Variants in NEK10 observed in about 807,000 individuals in gnomAD.
The protein encoded by NEK10 is serine/threonine-protein kinase Nek10.
In NEK10, 122 loss-of-function variants were observed where a neutral mutation model predicts 159.8. The ratio of observed to expected loss-of-function variants is 0.76; its 90% CI spans 0.66 to 0.89. NEK10 has a LOEUF of 0.89. Ranked by LOEUF, NEK10 falls within the 40% of genes least tolerant of loss-of-function variation. NEK10 has a pLI of 0.00. For synonymous variants in NEK10, 466 were observed against 457.1 expected, an observed-to-expected ratio of 1.02 and a Z score of -0.25; for missense variants, 1,342 against 1,323.1, an observed-to-expected ratio of 1.01 and a Z score of -0.22.
rs1197420744 is a variant in NEK10, at chr3:27,344,333, G to C, written c.301C>G (p.Pro101Ala). 4 of 1,595,032 alleles carry C rather than the reference G, an allele frequency of 2.5e-6. No individual in the cohort carries two copies. The South Asian group carries it at 4.5e-5, about 18-fold the overall frequency. The part of the protein sequence containing the change: ...YKNERNFSKH[P>A]QRKLFQEIFT... ...ATCTCCTGAAATAGTTTACGCTGAG[G>C]ATGTTTGCTGAAATTTCTCTCATTC... Residue 101 changes from proline to alanine, a missense_variant, in exon 5 of 36, where the codon CCT becomes GCT. Physicochemically the swap from Pro to Ala is conservative, Grantham distance 27 (BLOSUM62 -1). Coordinates refer to ENST00000691995, the MANE Select transcript of NEK10 (RefSeq NM_001394966.1).
At chr3:27,257,855 C>T (rs955844702) in intron 22 of NEK10, among the ~76,000 whole-genome samples, 5 of 144,838 alleles carry the variant, frequency 3.5e-5, no homozygotes, top group African/African-American at 7.9e-5. Context: ...GTGGCGCAAT[C>T]TCGGCTTACT....
At chr3:27,117,683 C>A (rs1940670765) in intron 33 of NEK10, among the ~76,000 whole-genome samples, 1 of 152,034 alleles carries the variant, frequency 6.6e-6, no homozygotes, top group Admixed American at 6.6e-5. Context: ...TTGCTTTTTT[C>A]TTGTAAATTT....
chr3:27,187,471 A>G (rs539077893), intron 26 of NEK10, among the ~76,000 whole-genome samples: 1 of 152,186 alleles, frequency 6.6e-6, no homozygotes, highest in African/African-American at 2.4e-5. Flanking sequence ...ACCCAAATTC[A>G]TATGAAATGA....
chr3:27,119,778 A>G lies in NEK10; in HGVS notation c.3172T>C (p.Ser1058Pro). ...CTATTACCTGTAGGGTCATTTGGGGACAGGCTGTTTCCACCGGATGAACGA... is the reference window on the plus strand; with the variant it reads ...CTATTACCTGTAGGGTCATTTGGGGGCAGGCTGTTTCCACCGGATGAACGA... Reference protein sequence around the residue: ...LHRSSGGNSLSPNDPTGLPTS... With the variant: ...LHRSSGGNSLPPNDPTGLPTS... Residue 1058 changes from serine to proline, a missense_variant, in exon 33 of 36, where the codon TCC becomes CCC. Coordinates refer to ENST00000691995, the MANE Select transcript of NEK10 (RefSeq NM_001394966.1). 1.2e-6 allele frequency: 2 copies of G among 1,613,858 alleles called. No homozygotes were observed. Among genetic ancestry groups the G allele is most frequent in the South Asian group, 2.2e-5 (2 of 91,076 alleles).
chr3:27,174,421 T>C lies in NEK10; in HGVS notation c.2776+18A>G, dbSNP rs1167326178. ...TTCCGGAATCCCACAAACAGCAAAT[T>C]GATAACAGAAAGCTTACTGAATGTA... On this transcript the variant is annotated intron_variant, in intron 28 of 35. Coordinates refer to ENST00000691995, the MANE Select transcript of NEK10 (RefSeq NM_001394966.1). 1 of 1,607,046 alleles carries C rather than the reference T, an allele frequency of 6.2e-7. No individual in the cohort carries two copies. The highest frequency in any genetic ancestry group is 2.2e-5 in the East Asian group (1 of 44,858).
intron 32 of NEK10, among the ~76,000 whole-genome samples, chr3:27,122,402 A>C (rs185846138): frequency 1.3e-5 from 2 of 152,192 alleles, no homozygotes; most frequent in Non-Finnish European, 2.9e-5. Flanking sequence ...ATGGACTAAT[A>C]TATAACCCAT....
intron 5 of NEK10, among the ~76,000 whole-genome samples, chr3:27,323,890 G>A (rs796422104): frequency 2.3e-4 from 35 of 152,304 alleles, no homozygotes; most frequent in African/African-American, 8.4e-4. Context: ...TGGTCACAAG[G>A]CCTTGCACCC....
At chr3:27,331,262 A>AAACAAAAAAAACAC in intron 5 of NEK10, among the ~76,000 whole-genome samples, 1 of 110,082 alleles carries the variant, frequency 9.1e-6, no homozygotes, top group Non-Finnish European at 2.0e-5. Flanking sequence ...AAAAAAAAAA[A>AAACAAAAAAAACAC]ACACACAAAC....
At chr3:27,364,042 T>C (rs2048872730) in intron 1 of NEK10, among the ~76,000 whole-genome samples, 1 of 152,186 alleles carries the variant, frequency 6.6e-6, no homozygotes, top group African/African-American at 2.4e-5. Flanking sequence ...CGTCAACAAC[T>C]AGATAAATAT....
At chr3:27,187,412 T>A (rs1020433033) in intron 26 of NEK10, among the ~76,000 whole-genome samples, 1 of 152,088 alleles carries the variant, frequency 6.6e-6, no homozygotes, top group Non-Finnish European at 1.5e-5. Context: ...CAAAACAAAA[T>A]GATATATAAT....
chr3:27,226,066 C>T (rs1425675880), intron 23 of NEK10, among the ~76,000 whole-genome samples: 1 of 151,976 alleles, frequency 6.6e-6, no homozygotes, highest in African/African-American at 2.4e-5. Context: ...GAGTCTCGCT[C>T]TGTTGCCCAG....
At chr3:27,178,459 T>C (rs1947747767) in intron 26 of NEK10, among the ~76,000 whole-genome samples, 1 of 152,210 alleles carries the variant, frequency 6.6e-6, no homozygotes, top group South Asian at 2.1e-4. Flanking sequence ...GAAATATTCA[T>C]ATTCTATTAG....
chr3:27,169,303 C>T (rs913686658), intron 29 of NEK10, among the ~76,000 whole-genome samples: 10 of 152,262 alleles, frequency 6.6e-5, no homozygotes, highest in African/African-American at 2.4e-4. Context: ...TTTGGAATAT[C>T]TTCTAACTCA....
At chr3:27,153,319 CAAAAA>C (rs34333130) in intron 30 of NEK10, among the ~76,000 whole-genome samples, 1 of 90,652 alleles carries the variant, frequency 1.1e-5, no homozygotes, top group Non-Finnish European at 2.2e-5. Flanking sequence ...GACTCCATCT[CAAAAA>C]AAAAAAAAAA....
At chr3:27,282,108 T>C (rs759523397) in intron 22 of NEK10, among the ~76,000 whole-genome samples, 4 of 152,154 alleles carry the variant, frequency 2.6e-5, no homozygotes, top group Non-Finnish European at 4.4e-5. Flanking sequence ...CTGCTGTAAC[T>C]GTACTGGCAG....
rs2047386060 is a variant in NEK10 at position 27,344,122 on chromosome 3, G to A, written c.362+150C>T. The A allele has an allele frequency of 1.0e-5, 5 of 479,218 alleles. No individual in the cohort carries two copies. In the East Asian group the frequency reaches 1.7e-4, roughly 16 times the overall value. The allele number at this position is 479,218 out of a possible 1,614,324, so 29.7% of individuals were successfully genotyped here. A position where few individuals can be genotyped will look rare whatever the true frequency, so the allele number is the denominator to read the frequency against. Reference sequence around the variant, plus strand: ...TCAGTACCTAATCAGTGATTTTAATGAGATCATCTGTAATGCCTACTCATT... The same window carrying A: ...TCAGTACCTAATCAGTGATTTTAATAAGATCATCTGTAATGCCTACTCATT... On this transcript the variant is annotated intron_variant, in intron 5 of 35. Transcript: ENST00000691995.
chr3:27,138,094 C>T (rs533340135), intron 31 of NEK10, among the ~76,000 whole-genome samples: 60 of 152,326 alleles, frequency 3.9e-4, no homozygotes, highest in South Asian at 2.3e-3. Context: ...GATGCTCCTG[C>T]GTTGCCTTGC....
intron 13 of NEK10, among the ~76,000 whole-genome samples, chr3:27,297,623 A>T (rs954257856): frequency 6.6e-6 from 1 of 152,214 alleles, no homozygotes; most frequent in Admixed American, 6.5e-5. Context: ...AATGCTTTAA[A>T]TATATTATTC....
intron 23 of NEK10, among the ~76,000 whole-genome samples, chr3:27,237,501 T>C (rs544683009): frequency 1.1e-4 from 16 of 152,278 alleles, no homozygotes; most frequent in African/African-American, 3.6e-4. Flanking sequence ...ATCTTCACAA[T>C]TTATGTTCCT....
Sources: gnomAD v4.1 joint callset for allele counts (sites outside exome capture counted in the v4.1 genomes callset) on GRCh38, gnomAD v4.1.1 for gene constraint, MANE v1.5 for transcripts, NCBI Gene and HGNC (gene_info 2026-07-23, HGNC 2026-07-21) for gene names.